WDR27: variants seen among roughly 807,000 people sequenced by gnomAD.
The protein encoded by WDR27 is WD repeat domain 27.
WDR27 carries 100 observed loss-of-function variants against 114.4 expected under a neutral mutation model. The observed-to-expected ratio is 0.87, with a 90% CI of 0.74 to 1.03. The LOEUF is 1.03. Ranked by LOEUF, WDR27 falls within the 50% of genes least tolerant of loss-of-function variation. The probability of loss-of-function intolerance (pLI) is 0.00; values close to 1 mark genes in which losing one functional copy is unlikely to be tolerated. For missense variants in WDR27, 1,129 were observed against 1,092.9 expected (o/e 1.03, Z -0.47); for synonymous variants, 449 against 423.1 (o/e 1.06, Z -0.75).
intron 17 of WDR27, among the ~76,000 whole-genome samples, chr6:169,641,448 CCT>C (rs1819143889): frequency 6.6e-6 from 1 of 152,058 alleles, no homozygotes; most frequent in African/African-American, 2.4e-5. Context: ...GCCAGTTTCC[CCT>C]GTGGTGAGTG....
chr6:169,513,277 A>C (rs928657782), intron 25 of WDR27, among the ~76,000 whole-genome samples: 1 of 152,180 alleles, frequency 6.6e-6, no homozygotes, highest in Non-Finnish European at 1.5e-5. Context: ...TCTGGCAAAC[A>C]AAGTATTACT....
intron 13 of WDR27, 68 bp from the exon 14 acceptor site, chr6:169,652,076 G>A (rs1468414327): frequency 3.6e-6 from 5 of 1,383,858 alleles, no homozygotes; most frequent in Non-Finnish European, 5.1e-6. Context: ...GACATGAGAA[G>A]AACAGAGTCT....
In WDR27 at chr6:169,674,233, A is replaced by T. The variant is rs939675953; in HGVS notation, c.190-1837T>A. 3.3e-5 allele frequency among the ~76,000 whole-genome samples: 5 copies of T among 152,244 alleles called. No individual in the cohort carries two copies. In the East Asian group the frequency reaches 7.7e-4, roughly 23 times the overall value. On this transcript the variant is annotated intron_variant, in intron 2 of 25. Transcript: ENST00000448612. ...AGTCAAAAACAAAGAAAAATAAAGA[A>T]TAGAGAAATGCGATGCCTACAAGTC... is the stretch of plus-strand genomic sequence containing the variant.
chr6:169,559,025 T>A (rs1192653048), intron 25 of WDR27: 1 of 152,208 alleles, frequency 6.6e-6, no homozygotes, highest in Non-Finnish European at 1.5e-5. Context: ...TCGTTTACAG[T>A]AAAAATAATA....
chr6:169,661,635 T>C (rs1826146617), intron 9 of WDR27, among the ~76,000 whole-genome samples: 1 of 152,034 alleles, frequency 6.6e-6, no homozygotes, highest in Admixed American at 6.5e-5. Context: ...CAGGGAAGCC[T>C]CAAAATGCCT....
intron 21 of WDR27, among the ~76,000 whole-genome samples, chr6:169,618,574 T>C (rs975659082): frequency 3.8e-5 from 5 of 130,620 alleles, no homozygotes; most frequent in African/African-American, 1.2e-4. Context: ...AAGATAACTA[T>C]AGGAGTAATT....
At position 169,613,553 on chromosome 6, in the gene WDR27, C is replaced by A. The variant is rs746429471; in HGVS notation, c.2321+6G>T. ...CCCTGCAGTGCAGGGCGCAGGACAG[C>A]CTTACCTCAGGGTTCTCAGGTCCCA... On this transcript the variant is annotated splice_donor_region_variant and intron_variant, in intron 22 of 25. Coordinates refer to ENST00000448612, the MANE Select transcript of WDR27 (RefSeq NM_182552.5). The A allele has an allele frequency of 1.2e-6, 2 of 1,612,980 alleles. No individual in the cohort carries two copies. Among genetic ancestry groups the A allele is most frequent in the Non-Finnish European group, 1.7e-6 (2 of 1,179,086 alleles).
At chr6:169,542,892 C>T (rs1372415704) in intron 25 of WDR27, among the ~76,000 whole-genome samples, 1 of 151,936 alleles carries the variant, frequency 6.6e-6, no homozygotes, top group Non-Finnish European at 1.5e-5. Flanking sequence ...TGAGTTAATT[C>T]ATTACATGAA....
intron 2 of WDR27, among the ~76,000 whole-genome samples, chr6:169,675,155 A>G (rs553303714): frequency 6.6e-6 from 1 of 152,244 alleles, no homozygotes; most frequent in South Asian, 2.1e-4. Flanking sequence ...TCCCACGTTG[A>G]GATGTAATCC....
At chr6:169,548,352 C>CA (rs942926895) in intron 25 of WDR27, among the ~76,000 whole-genome samples, 1 of 151,746 alleles carries the variant, frequency 6.6e-6, no homozygotes, top group Non-Finnish European at 1.5e-5. Flanking sequence ...CATAGAAAGG[C>CA]AAAAAAACTA....
intron 25 of WDR27, among the ~76,000 whole-genome samples, chr6:169,568,688 T>C (rs1382325766): frequency 2.0e-5 from 3 of 152,304 alleles, no homozygotes; most frequent in African/African-American, 7.2e-5. Context: ...TCCTACATAT[T>C]CTTGAAGGAC....
intron 25 of WDR27, among the ~76,000 whole-genome samples, chr6:169,474,312 C>T (rs1786836909): frequency 6.6e-6 from 1 of 152,306 alleles, no homozygotes; most frequent in Non-Finnish European, 1.5e-5. Flanking sequence ...ATAAACTCTG[C>T]TGAAGATCAT....
At chr6:169,571,260 TA>T (rs5881836) in intron 25 of WDR27, among the ~76,000 whole-genome samples, 17,466 of 141,126 alleles carry the variant, frequency 0.12, 2,075 homozygotes, top group East Asian at 0.61. Flanking sequence ...AGAAAAAAAT[TA>T]AAAAAAAAAT....
intron 25 of WDR27, among the ~76,000 whole-genome samples, chr6:169,490,044 G>A (rs779750915): frequency 1.3e-5 from 2 of 152,182 alleles, no homozygotes; most frequent in East Asian, 1.9e-4. Context: ...CACAGGGGTC[G>A]CTCCTGAACA....
chr6:169,484,721 C>T (rs1050056611), intron 25 of WDR27, among the ~76,000 whole-genome samples: 1 of 152,162 alleles, frequency 6.6e-6, no homozygotes, highest in African/African-American at 2.4e-5. Flanking sequence ...CCAAGGCAAT[C>T]CTAAGCAAAA....
intron 25 of WDR27, among the ~76,000 whole-genome samples, chr6:169,554,328 A>G (rs1798579867): frequency 6.6e-6 from 1 of 152,148 alleles, no homozygotes; most frequent in Non-Finnish European, 1.5e-5. Flanking sequence ...GTTGATGGTG[A>G]ATGCAGGAAG....
chr6:169,513,307 A>G (rs900351957), intron 25 of WDR27, among the ~76,000 whole-genome samples: 1 of 152,108 alleles, frequency 6.6e-6, no homozygotes, highest in African/African-American at 2.4e-5. Context: ...ATCTGTTTCT[A>G]TGGCTTGGCC....
intron 25 of WDR27, among the ~76,000 whole-genome samples, chr6:169,555,764 C>T (rs956499897): frequency 5.9e-5 from 9 of 152,126 alleles, no homozygotes; most frequent in Non-Finnish European, 1.3e-4. Flanking sequence ...GAAGAATAAA[C>T]CAAATTCACT....
At chr6:169,634,361 A>G in intron 20 of WDR27, 67 bp downstream of exon 20, 1 of 1,198,588 alleles carries the variant, frequency 8.3e-7, no homozygotes, top group Non-Finnish European at 1.2e-6. Context: ...GATGCTCAGC[A>G]CATGCCTCTG....
Sources: gnomAD v4.1 joint callset for allele counts (sites outside exome capture counted in the v4.1 genomes callset) on GRCh38, gnomAD v4.1.1 for gene constraint, MANE v1.5 for transcripts, NCBI Gene and HGNC (gene_info 2026-07-23, HGNC 2026-07-21) for gene names.